The following KCNH5 variants were observed in gnomAD, a reference collection of about 807,000 sequenced individuals.
The protein encoded by KCNH5 is potassium voltage-gated channel subfamily H member 5, also known as voltage-gated delayed rectifier potassium channel KCNH5.
KCNH5 carries 46 observed loss-of-function variants against 96.1 expected under a neutral mutation model. That is an observed-to-expected ratio of 0.48 (90% CI 0.38 to 0.61). The LOEUF (loss-of-function observed/expected upper bound fraction) is 0.61, where lower values mean the gene tolerates loss of function less well. Among genes scored for constraint, KCNH5 ranks in the 20% least tolerant of loss-of-function variants. The pLI, the probability that KCNH5 is intolerant of heterozygous loss-of-function variation, is 0.00. For synonymous variants in KCNH5, 439 were observed against 449.8 expected, an observed-to-expected ratio of 0.98 and a Z score of 0.30; for missense variants, 907 against 1,225.8, an observed-to-expected ratio of 0.74 and a Z score of 3.88.
chr14:62,974,614 G>C (rs188276455), intron 6 of KCNH5, among the ~76,000 whole-genome samples: 1 of 152,206 alleles, frequency 6.6e-6, no homozygotes, highest in Admixed American at 6.5e-5. Flanking sequence ...TTCAGAGAGC[G>C]TGTCGACAAT....
intron 7 of KCNH5, among the ~76,000 whole-genome samples, chr14:62,898,134 A>T (rs1888852925): frequency 6.6e-6 from 1 of 152,198 alleles, no homozygotes; most frequent in Non-Finnish European, 1.5e-5. Context: ...TATGTTAGGA[A>T]CACAGGTTGA....
chr14:63,034,439 G>A (rs1408301181), intron 1 of KCNH5, among the ~76,000 whole-genome samples: 1 of 152,158 alleles, frequency 6.6e-6, no homozygotes, highest in Non-Finnish European at 1.5e-5. Flanking sequence ...ATGACAGAAT[G>A]TAAGGCTGGT....
chr14:63,036,867 T>C (rs1258809672), intron 1 of KCNH5, among the ~76,000 whole-genome samples: 4 of 152,032 alleles, frequency 2.6e-5, no homozygotes, highest in Admixed American at 1.3e-4. Flanking sequence ...TAGGGGAATA[T>C]AGTTTCAAAC....
At position 63,010,359 on chromosome 14, in the gene KCNH5, T is replaced by C. The variant is rs567919410; in HGVS notation, c.198-3887A>G. On this transcript the variant is annotated intron_variant, in intron 2 of 10. Transcript: ENST00000322893. ...CTGAAATATGACTGGAATGTACGGA[T>C]GGGACTAGAATGCCCCTTCCCCACC... is the stretch of plus-strand genomic sequence containing the variant. Among the ~76,000 whole-genome samples, 93 of 152,288 alleles carry C rather than the reference T, an allele frequency of 6.1e-4. 1 individual carries two copies. Among genetic ancestry groups the C allele is most frequent in the Non-Finnish European group, 1.8e-4 (12 of 68,016 alleles).
At chr14:62,822,117 G>A (rs1308894420) in intron 8 of KCNH5, among the ~76,000 whole-genome samples, 2 of 152,120 alleles carry the variant, frequency 1.3e-5, no homozygotes, top group African/African-American at 4.8e-5. Context: ...TGAAATTGAT[G>A]AAAGAAATCA....
intron 8 of KCNH5, among the ~76,000 whole-genome samples, chr14:62,836,339 C>A (rs558722105): frequency 1.3e-5 from 2 of 152,188 alleles, no homozygotes; most frequent in Middle Eastern, 3.4e-3. Context: ...CCAAGTCAGG[C>A]AACATAAGCT....
At chr14:63,000,555 C>T (rs1333467265) in intron 4 of KCNH5, among the ~76,000 whole-genome samples, 1 of 152,132 alleles carries the variant, frequency 6.6e-6, no homozygotes, top group Non-Finnish European at 1.5e-5. Flanking sequence ...TTATTCTTTC[C>T]ATAATCTAGC....
intron 6 of KCNH5, among the ~76,000 whole-genome samples, chr14:62,957,427 T>A (rs12878074): frequency 6.6e-6 from 1 of 152,220 alleles, no homozygotes; most frequent in Non-Finnish European, 1.5e-5. Flanking sequence ...CCCAGTTGCA[T>A]GATTTTGCAC....
At chr14:62,754,286 T>G (rs753444631) in intron 10 of KCNH5, among the ~76,000 whole-genome samples, 23 of 151,682 alleles carry the variant, frequency 1.5e-4, no homozygotes, top group Admixed American at 4.6e-4. Flanking sequence ...AATTAAAACA[T>G]AACATCAGAA....
intron 4 of KCNH5, among the ~76,000 whole-genome samples, chr14:62,996,810 T>C (rs1890913461): frequency 6.6e-6 from 1 of 152,210 alleles, no homozygotes; most frequent in African/African-American, 2.4e-5. Flanking sequence ...CAACTTCATC[T>C]GTGCCATGAA....
intron 10 of KCNH5, among the ~76,000 whole-genome samples, chr14:62,729,422 T>C (rs187240505): frequency 4.6e-5 from 7 of 152,288 alleles, no homozygotes; most frequent in East Asian, 1.9e-4. Context: ...ACACTACATA[T>C]ATTTAGCGAC....
intron 10 of KCNH5, among the ~76,000 whole-genome samples, chr14:62,727,668 G>A (rs1884959119): frequency 6.6e-6 from 1 of 151,006 alleles, no homozygotes. Flanking sequence ...TATTAATTCA[G>A]TGTATTATAA....
At chr14:62,939,588 G>A (rs911085384) in intron 7 of KCNH5, among the ~76,000 whole-genome samples, 9 of 152,044 alleles carry the variant, frequency 5.9e-5, no homozygotes, top group Non-Finnish European at 1.3e-4. Flanking sequence ...TTTTGAACTC[G>A]TCCTTCTAAA....
chr14:62,853,481 C>CATATATATATATATATATATATCAT (rs1306077655), intron 7 of KCNH5, among the ~76,000 whole-genome samples: 1 of 41,332 alleles, frequency 2.4e-5, no homozygotes, highest in South Asian at 1.2e-3. Flanking sequence ...ATATATATAT[C>CATATATATATATATATATATATCAT]ATATATATAT....
At chr14:62,896,931 G>A (rs1308908623) in intron 7 of KCNH5, among the ~76,000 whole-genome samples, 2 of 152,160 alleles carry the variant, frequency 1.3e-5, no homozygotes, top group Non-Finnish European at 2.9e-5. Flanking sequence ...ACATAAATAA[G>A]TAATATCACC....
intron 7 of KCNH5, among the ~76,000 whole-genome samples, chr14:62,940,135 A>G (rs1595692902): frequency 6.6e-6 from 1 of 152,152 alleles, no homozygotes; most frequent in Non-Finnish European, 1.5e-5. Context: ...TCTTTTCACA[A>G]ACCATGAAAC....
chr14:62,797,909 G>A (rs1886573380), intron 9 of KCNH5, among the ~76,000 whole-genome samples: 1 of 151,876 alleles, frequency 6.6e-6, no homozygotes, highest in Admixed American at 6.6e-5. Context: ...TAGAGATGGG[G>A]TTTCACCATG....
At chr14:62,791,616 G>C (rs192827491) in intron 9 of KCNH5, among the ~76,000 whole-genome samples, 10 of 151,726 alleles carry the variant, frequency 6.6e-5, no homozygotes, top group African/African-American at 2.2e-4. Flanking sequence ...AAGAGAGCAG[G>C]AGTGGCTATA....
chr14:62,982,107 G>A (rs957095915), intron 5 of KCNH5, among the ~76,000 whole-genome samples: 1 of 152,124 alleles, frequency 6.6e-6, no homozygotes, highest in African/African-American at 2.4e-5. Context: ...GTTGAGGCGA[G>A]ATCACGAGGT....
Sources: gnomAD v4.1 joint callset for allele counts (sites outside exome capture counted in the v4.1 genomes callset) on GRCh38, gnomAD v4.1.1 for gene constraint, MANE v1.5 for transcripts, NCBI Gene and HGNC (gene_info 2026-07-23, HGNC 2026-07-21) for gene names.